ARHGAP31: variants seen among roughly 807,000 people sequenced by gnomAD.
ARHGAP31 encodes rho GTPase-activating protein 31.
ARHGAP31 carries 34 observed loss-of-function variants against 113.9 expected under a neutral mutation model. That is an observed-to-expected ratio of 0.30 (90% CI 0.23 to 0.40). The LOEUF is 0.40. Ranked by LOEUF, ARHGAP31 falls within the 10% of genes least tolerant of loss-of-function variation. The pLI is 1.00. For synonymous variants in ARHGAP31, 650 were observed against 684.8 expected (o/e 0.95, Z 0.79); for missense variants, 1,548 against 1,767.1 (o/e 0.88, Z 2.22).
At chr3:119,366,123 G>A (rs578015697) in intron 2 of ARHGAP31, among the ~76,000 whole-genome samples, 2 of 151,862 alleles carry the variant, frequency 1.3e-5, no homozygotes, top group East Asian at 3.9e-4. Context: ...GAGTATATAT[G>A]TATAATTTTA....
chr3:119,350,799 AACAGT>A (rs1365731394), intron 1 of ARHGAP31, among the ~76,000 whole-genome samples: 2 of 152,224 alleles, frequency 1.3e-5, no homozygotes, highest in African/African-American at 4.8e-5. Flanking sequence ...GGGAACCATT[AACAGT>A]ACAAATGAGA....
chr3:119,408,822 C>T (rs1166073650), intron 10 of ARHGAP31, among the ~76,000 whole-genome samples: 1 of 152,172 alleles, frequency 6.6e-6, no homozygotes, highest in African/African-American at 2.4e-5. Context: ...CCTGCTTCTT[C>T]CTGATCTCGT....
intron 9 of ARHGAP31, 50 bp from the exon 10 acceptor site, chr3:119,401,772 A>G (rs982104287): frequency 1.9e-6 from 3 of 1,576,816 alleles, no homozygotes; most frequent in Non-Finnish European, 2.6e-6. Flanking sequence ...AAGGCCTGCT[A>G]TTGTATGTGT....
In ARHGAP31 at chr3:119,382,329, G is replaced by A. The variant is rs1197387530; in HGVS notation, c.469G>A (p.Ala157Thr). 7 of 1,613,888 alleles carry A rather than the reference G, an allele frequency of 4.3e-6. No homozygotes were observed. Among genetic ancestry groups the A allele is most frequent in the South Asian group, 2.2e-5 (2 of 91,074 alleles). ...EYLIRHLAHI[A>T]SFSSKTNMHA... ...CCTGATTCGACACCTGGCCCATATCGCCTCCTTCAGCAGCAAGACCAACAT... is the reference window on the plus strand; with the variant it reads ...CCTGATTCGACACCTGGCCCATATCACCTCCTTCAGCAGCAAGACCAACAT... The change falls in exon 5 of 12, where the codon GCC becomes ACC. Residue 157 changes from alanine (A) to threonine (T), a missense_variant. Coordinates refer to ENST00000264245, the MANE Select transcript of ARHGAP31 (RefSeq NM_020754.4).
In ARHGAP31 at chr3:119,417,815, G is replaced by A. The variant is rs2080791630; in HGVS notation, c.*1551G>A. 1.3e-5 allele frequency: 2 copies of A among 152,018 alleles called. No individual in the cohort carries two copies. The highest frequency in any genetic ancestry group is 6.6e-5 in the Admixed American group (1 of 15,262). The allele number at this position is 152,018 out of a possible 1,614,324, so 9.4% of individuals were successfully genotyped here. A position where few individuals can be genotyped will look rare whatever the true frequency, so the allele number is the denominator to read the frequency against. On this transcript the variant is annotated 3_prime_UTR_variant, in exon 12 of 12. Transcript: ENST00000264245. ...CAGATTTTTGGTGCTGCCCAAAAAA[G>A]GACTTCACAGGGCATCTCTTCTCAG...
At chr3:119,302,633 C>T (rs1164848847) in intron 1 of ARHGAP31, among the ~76,000 whole-genome samples, 1 of 152,110 alleles carries the variant, frequency 6.6e-6, no homozygotes. Context: ...GCATTTTAAT[C>T]CCCATTTTAC....
intron 1 of ARHGAP31, among the ~76,000 whole-genome samples, chr3:119,320,545 A>C (rs1299017623): frequency 6.6e-6 from 1 of 152,180 alleles, no homozygotes; most frequent in African/African-American, 2.4e-5. Flanking sequence ...TGTAAACAAA[A>C]CTTTTCATGA....
chr3:119,401,795 G>T, intron 9 of ARHGAP31, 27 bp from the exon 10 acceptor site: 1 of 1,610,430 alleles, frequency 6.2e-7, no homozygotes, highest in South Asian at 1.1e-5. Flanking sequence ...CCCGGCTGCT[G>T]ACCATACACT....
At chr3:119,347,474 G>A (rs191568099) in intron 1 of ARHGAP31, among the ~76,000 whole-genome samples, 3 of 152,338 alleles carry the variant, frequency 2.0e-5, no homozygotes, top group African/African-American at 7.2e-5. Context: ...GAGGTGACCA[G>A]GAGATGGGTC....
intron 3 of ARHGAP31, among the ~76,000 whole-genome samples, chr3:119,372,259 A>T (rs1369463846): frequency 6.8e-6 from 1 of 147,616 alleles, no homozygotes; most frequent in Non-Finnish European, 1.5e-5. Context: ...CCCCAACCTC[A>T]CCAGCATCTG....
At chr3:119,398,827 G>C (rs2080574603) in intron 8 of ARHGAP31, among the ~76,000 whole-genome samples, 1 of 152,188 alleles carries the variant, frequency 6.6e-6, no homozygotes, top group African/African-American at 2.4e-5. Flanking sequence ...TCTCTGGCCT[G>C]CTGAATACGA....
intron 1 of ARHGAP31, among the ~76,000 whole-genome samples, chr3:119,332,372 G>A (rs2079898541): frequency 6.6e-6 from 1 of 151,858 alleles, no homozygotes; most frequent in Admixed American, 6.6e-5. Flanking sequence ...GCTAATTTTT[G>A]TATTTTTAGT....
intron 1 of ARHGAP31, among the ~76,000 whole-genome samples, chr3:119,358,246 G>A (rs1242102103): frequency 6.6e-6 from 1 of 152,100 alleles, no homozygotes; most frequent in African/African-American, 2.4e-5. Flanking sequence ...CGGCCAGTAA[G>A]CACAAGAAAA....
In ARHGAP31 at chr3:119,414,617, C is replaced by T. The variant is rs2080755036; in HGVS notation, c.2688C>T (p.Asp896=). 6.2e-7 allele frequency: 1 copy of T among 1,614,126 alleles called. No homozygotes were observed. Among genetic ancestry groups the T allele is most frequent in the Non-Finnish European group, 8.5e-7 (1 of 1,180,050 alleles). The change falls in exon 12 of 12, where the codon GAC becomes GAT. Residue 896 remains aspartate, a synonymous_variant. Transcript: ENST00000264245. ...SDCDEDDTVT[D]IAQHGLEMVE... The stretch of plus-strand genomic sequence containing the variant: ...GTGACGAAGATGACACTGTGACAGA[C>T]ATTGCCCAGCATGGCCTGGAGATGG...
rs2080779717 is a variant in ARHGAP31, at chr3:119,416,379, T to C, written c.*115T>C. 6.9e-7 allele frequency: 1 copy of C among 1,445,130 alleles called. No homozygotes were observed. The highest frequency in any genetic ancestry group is 2.3e-5 in the East Asian group (1 of 42,668). 89.5% of individuals were successfully genotyped at this position (1,445,130 alleles called of 1,614,324 possible). ...TCAAGTTTGGGCCTATTGTGGCCTCTGACTTCTCTTTCTTCAGCCTTTTGA... is the reference window on the plus strand; with the variant it reads ...TCAAGTTTGGGCCTATTGTGGCCTCCGACTTCTCTTTCTTCAGCCTTTTGA... On this transcript the variant is annotated 3_prime_UTR_variant, in exon 12 of 12. Transcript: ENST00000264245.
In ARHGAP31 at chr3:119,390,640, C is replaced by T. The variant is rs552011477; in HGVS notation, c.683-145C>T. ...CAGTTTCCGGTGTGCAGCCTCAGCCCCAGGCCCCACCATGCCCAAGAGAAG... is the reference window on the plus strand; with the variant it reads ...CAGTTTCCGGTGTGCAGCCTCAGCCTCAGGCCCCACCATGCCCAAGAGAAG... On this transcript the variant is annotated intron_variant, in intron 6 of 11. Transcript: ENST00000264245. The T allele has an allele frequency of 2.4e-5, 21 of 891,942 alleles. No homozygotes were observed. The South Asian group carries it at 2.9e-4, about 12-fold the overall frequency. The allele number at this position is 891,942 out of a possible 1,614,324, so 55.3% of individuals were successfully genotyped here.
intron 1 of ARHGAP31, among the ~76,000 whole-genome samples, chr3:119,347,781 G>T (rs10511387): frequency 6.6e-6 from 1 of 152,076 alleles, no homozygotes; most frequent in Non-Finnish European, 1.5e-5. Flanking sequence ...GGCTACTCTT[G>T]AATCAGATCT....
At chr3:119,335,223 G>A (rs1311215464) in intron 1 of ARHGAP31, among the ~76,000 whole-genome samples, 1 of 152,154 alleles carries the variant, frequency 6.6e-6, no homozygotes, top group Non-Finnish European at 1.5e-5. Flanking sequence ...TTCTATCGTA[G>A]TTCTTTCACA....
chr3:119,354,513 A>ATG (rs2080139127), intron 1 of ARHGAP31, among the ~76,000 whole-genome samples: 1 of 143,474 alleles, frequency 7.0e-6, no homozygotes, highest in Non-Finnish European at 1.5e-5. Flanking sequence ...TGTGGTTTTT[A>ATG]TGTGTGTGTG....
Sources: allele counts gnomAD v4.1 joint callset (sites outside exome capture counted in the v4.1 genomes callset), GRCh38; gene constraint gnomAD v4.1.1; transcripts MANE v1.5; gene names NCBI Gene and HGNC (gene_info 2026-07-23, HGNC 2026-07-21).